Variants in PHF3 observed in about 807,000 individuals in gnomAD.
PHF3 encodes PHD finger protein 3.
PHF3 carries 41 observed loss-of-function variants against 178.4 expected under a neutral mutation model. That is an observed-to-expected ratio of 0.23 (90% CI 0.18 to 0.30). PHF3 has a LOEUF of 0.30. Among genes scored for constraint, PHF3 ranks in the 10% least tolerant of loss-of-function variants. The probability of loss-of-function intolerance (pLI) is 1.00; values close to 1 mark genes in which losing one functional copy is unlikely to be tolerated. For missense variants in PHF3, 2,346 were observed against 2,398.1 expected (o/e 0.98, Z 0.45); for synonymous variants, 842 against 800.5 (o/e 1.05, Z -0.88).
chr6:63,691,301 A>G (rs931491971), intron 4 of PHF3, among the ~76,000 whole-genome samples: 8 of 152,116 alleles, frequency 5.3e-5, no homozygotes, highest in Non-Finnish European at 1.0e-4. Context: ...CCAATTTTAT[A>G]TGTGATGTCA....
At chr6:63,657,576 TA>T (rs1211682146) in intron 2 of PHF3, among the ~76,000 whole-genome samples, 1 of 152,078 alleles carries the variant, frequency 6.6e-6, no homozygotes, top group African/African-American at 2.4e-5. Context: ...AGTGGATCAT[TA>T]AAAAAGTCTT....
rs920175971 is a variant in PHF3, at chr6:63,718,297, CTG to C, written c.*4592_*4593del. ...ATAAAATCTGAACGTAAAATTGCAA[CTG>C]TGAAAAGCTTTAAGGCAGCAATTCT... On this transcript the variant is annotated 3_prime_UTR_variant, in exon 16 of 16. Transcript: ENST00000262043. Among the ~76,000 whole-genome samples the C allele has an allele frequency of 6.6e-6, 1 of 151,942 alleles. No homozygotes were observed. Among genetic ancestry groups the C allele is most frequent in the African/African-American group, 2.4e-5 (1 of 41,406 alleles).
chr6:63,683,166 C>G (rs1182811724), intron 3 of PHF3, among the ~76,000 whole-genome samples: 1 of 151,614 alleles, frequency 6.6e-6, no homozygotes, highest in Non-Finnish European at 1.5e-5. Flanking sequence ...TTTTATTGTT[C>G]AAATTGGGCA....
chr6:63,725,171 G>GA lies in PHF3; in HGVS notation c.*11466dup, dbSNP rs1290360343. On this transcript the variant is annotated 3_prime_UTR_variant, in exon 16 of 16. Transcript: ENST00000262043. ...GTGTCAAATGCAGCATCAATCGTGTGAAACTAATGAATCTCTGTAAGTAGT... is the reference window on the plus strand; with the variant it reads ...GTGTCAAATGCAGCATCAATCGTGTGAAAACTAATGAATCTCTGTAAGTAGT... 6.6e-6 allele frequency among the ~76,000 whole-genome samples: 1 copy of GA among 152,074 alleles called. No individual in the cohort carries two copies. Among genetic ancestry groups the GA allele is most frequent in the African/African-American group, 2.4e-5 (1 of 41,428 alleles).
chr6:63,669,867 A>T (rs1561953372), intron 2 of PHF3, among the ~76,000 whole-genome samples: 1 of 151,994 alleles, frequency 6.6e-6, no homozygotes, highest in African/African-American at 2.4e-5. Context: ...TATAATAATA[A>T]TTTTTTTCTC....
At chr6:63,704,920 A>G (rs959886759) in intron 11 of PHF3, among the ~76,000 whole-genome samples, 6 of 152,192 alleles carry the variant, frequency 3.9e-5, no homozygotes, top group Admixed American at 6.5e-5. Flanking sequence ...CTGTTGCTCT[A>G]CATCTTTGCT....
At chr6:63,694,528 A>G (rs1351191097) in intron 5 of PHF3, 53 bp from the exon 6 acceptor site, 2 of 1,274,934 alleles carry the variant, frequency 1.6e-6, no homozygotes, top group South Asian at 4.0e-5. Context: ...GTCTTAAAAA[A>G]CAAAGATTGT....
rs754834273 is a variant in PHF3, at chr6:63,685,403, T to G, written c.1681T>G (p.Cys561Gly). The change falls in exon 4 of 16, where the codon TGC (cysteine) becomes GGC (glycine). Residue 561 changes from cysteine to glycine, a missense_variant. By Grantham distance (159) the Cys-to-Gly change is radical. This residue lies in a region of PHF3 where 843 missense variants were observed against 795.2 expected (regional missense o/e 1.06). Transcript: ENST00000262043. ...QIDKEPKIQS[C>G]NSGVKSVKNQ... ...TGATAAGGAGCCAAAGATTCAGAGT[T>G]GCAATTCTGGGGTTAAATCTGTGAA... is the stretch of plus-strand genomic sequence containing the variant. 3 of 1,613,990 alleles carry G rather than the reference T, an allele frequency of 1.9e-6. No homozygotes were observed. Among genetic ancestry groups the G allele is most frequent in the South Asian group, 2.2e-5 (2 of 91,052 alleles).
chr6:63,655,777 A>G (rs1765207067), intron 2 of PHF3, among the ~76,000 whole-genome samples: 1 of 152,084 alleles, frequency 6.6e-6, no homozygotes. Context: ...TTTCTGGGTT[A>G]TAGACTGCTG....
chr6:63,642,270 A>G (rs377080572), intron 1 of PHF3, among the ~76,000 whole-genome samples: 1 of 152,148 alleles, frequency 6.6e-6, no homozygotes, highest in South Asian at 2.1e-4. Flanking sequence ...CAGCTTACAC[A>G]TCATCACCTG....
Position 63,635,815 on chromosome 6 carries a change from G to T in PHF3, c.-361G>T. ...GGAACGGTAAACAGTGGGGTCACGT[G>T]ACACGGCCCCTCTCCAGCTCCCGCG... On this transcript the variant is annotated 5_prime_UTR_variant, in exon 1 of 16. Transcript: ENST00000262043. 2.5e-6 allele frequency: 1 copy of T among 394,598 alleles called. No homozygotes were observed. The highest frequency in any genetic ancestry group is 1.3e-4 in the South Asian group (1 of 7,524). The allele number at this position is 394,598 out of a possible 1,614,324, so 24.4% of individuals were successfully genotyped here. A position where few individuals can be genotyped will look rare whatever the true frequency, so the allele number is the denominator to read the frequency against.
rs751224112 is a variant in PHF3 at position 63,684,963 on chromosome 6, C to T, written c.1241C>T (p.Thr414Ile). Residue 414 changes from threonine (T) to isoleucine (I), a missense_variant, in exon 4 of 16, where the codon ACT becomes ATT. By Grantham distance (89) the Thr-to-Ile change is moderately conservative. Around this residue, in one of 8 missense-constraint regions of PHF3, gnomAD observed 843 missense variants for 795.2 expected, o/e 1.06. Coordinates refer to ENST00000262043, the MANE Select transcript of PHF3 (RefSeq NM_001370348.2). Reference sequence around the variant, plus strand: ...GAGTCTAATAGGCAGTTGGAGAGCACTGAGTTTAATAAATCAAACTTAGAG... The same window carrying T: ...GAGTCTAATAGGCAGTTGGAGAGCATTGAGTTTAATAAATCAAACTTAGAG... The part of the protein sequence containing the change: ...DAESNRQLES[T>I]EFNKSNLEVV... The T allele has an allele frequency of 6.2e-7, 1 of 1,613,990 alleles. No individual in the cohort carries two copies. Among genetic ancestry groups the T allele is most frequent in the Non-Finnish European group, 8.5e-7 (1 of 1,179,924 alleles).
intron 2 of PHF3, among the ~76,000 whole-genome samples, chr6:63,647,023 T>C (rs1260271776): frequency 6.6e-6 from 1 of 151,662 alleles, no homozygotes; most frequent in Admixed American, 6.6e-5. Context: ...AAGGATATTA[T>C]GGATATAGGT....
intron 2 of PHF3, among the ~76,000 whole-genome samples, chr6:63,670,121 G>A (rs1390371602): frequency 6.6e-6 from 1 of 152,026 alleles, no homozygotes; most frequent in Admixed American, 6.6e-5. Flanking sequence ...GGATCTTTTT[G>A]AGTGAGCAGC....
chr6:63,663,905 T>G (rs1765572662), intron 2 of PHF3, among the ~76,000 whole-genome samples: 2 of 152,138 alleles, frequency 1.3e-5, no homozygotes, highest in African/African-American at 4.8e-5. Flanking sequence ...GAGGGAAAGG[T>G]AATATCTCCT....
chr6:63,648,335 G>C (rs1465421857), intron 2 of PHF3, among the ~76,000 whole-genome samples: 3 of 152,090 alleles, frequency 2.0e-5, no homozygotes, highest in African/African-American at 7.2e-5. Context: ...GACAGTGTTT[G>C]GTTGTATGCT....
chr6:63,672,193 T>A (rs1463557084), intron 2 of PHF3, among the ~76,000 whole-genome samples: 1 of 152,162 alleles, frequency 6.6e-6, no homozygotes, highest in East Asian at 1.9e-4. Context: ...GCTGTATAAA[T>A]AAATGAACTA....
intron 1 of PHF3, among the ~76,000 whole-genome samples, chr6:63,641,942 T>A (rs142511693): frequency 3.2e-4 from 48 of 152,260 alleles, no homozygotes; most frequent in Middle Eastern, 6.8e-3. Context: ...GTGAAATTTT[T>A]TTTTGCTGTT....
At chr6:63,679,457 T>A (rs199518946) in intron 2 of PHF3, among the ~76,000 whole-genome samples, 2 of 150,864 alleles carry the variant, frequency 1.3e-5, no homozygotes, top group African/African-American at 2.4e-5. Flanking sequence ...TTTTCATTTT[T>A]TTCCTCTCTC....
Sources: gnomAD v4.1 joint callset for allele counts (sites outside exome capture counted in the v4.1 genomes callset) on GRCh38, gnomAD v4.1.1 for gene constraint, gnomAD v4.1.1 regional missense constraint, MANE v1.5 for transcripts, NCBI Gene and HGNC (gene_info 2026-07-23, HGNC 2026-07-21) for gene names.